ERC2: variants seen among roughly 807,000 people sequenced by gnomAD.
ERC2 encodes ELKS/RAB6-interacting/CAST family member 2, also known as ERC protein 2.
ERC2 carries 42 observed loss-of-function variants against 114.8 expected under a neutral mutation model. That is an observed-to-expected ratio of 0.37 (90% CI 0.29 to 0.47). ERC2 has a LOEUF of 0.47. Among genes scored for constraint, ERC2 ranks in the 20% least tolerant of loss-of-function variants. ERC2 has a pLI of 0.99. For missense variants in ERC2, 939 were observed against 1,150.7 expected, an observed-to-expected ratio of 0.82 and a Z score of 2.66; for synonymous variants, 454 against 425.5, an observed-to-expected ratio of 1.07 and a Z score of -0.82.
chr3:55,870,173 C>T (rs2062516222), intron 14 of ERC2, among the ~76,000 whole-genome samples: 1 of 151,978 alleles, frequency 6.6e-6, no homozygotes, highest in Admixed American at 6.5e-5. Context: ...CTCCTGGGTT[C>T]AAGCAATTCT....
intron 14 of ERC2, among the ~76,000 whole-genome samples, chr3:55,779,327 C>CAAAAAAAAAAAA (rs60185894): frequency 3.5e-4 from 22 of 62,326 alleles, no homozygotes; most frequent in South Asian, 5.9e-4. Flanking sequence ...ACTAAAAATA[C>CAAAAAAAAAAAA]AAAAAAAAAA....
intron 14 of ERC2, among the ~76,000 whole-genome samples, chr3:55,740,981 G>GA (rs1417981696): frequency 6.6e-6 from 1 of 151,922 alleles, no homozygotes; most frequent in Non-Finnish European, 1.5e-5. Flanking sequence ...TCCAAAATCT[G>GA]AAAAAAATAT....
At chr3:56,075,189 T>C (rs1365945259) in intron 7 of ERC2, among the ~76,000 whole-genome samples, 1 of 151,528 alleles carries the variant, frequency 6.6e-6, no homozygotes, top group Non-Finnish European at 1.5e-5. Context: ...AAGCTTGGAG[T>C]CACATATCCC....
At chr3:56,042,231 T>C (rs1443680199) in intron 7 of ERC2, among the ~76,000 whole-genome samples, 1 of 152,228 alleles carries the variant, frequency 6.6e-6, no homozygotes, top group Non-Finnish European at 1.5e-5. Flanking sequence ...AAACCTGATC[T>C]TCCATTTCAG....
chr3:55,536,413 G>C (rs988944135), intron 17 of ERC2, among the ~76,000 whole-genome samples: 4 of 152,166 alleles, frequency 2.6e-5, no homozygotes, highest in African/African-American at 9.7e-5. Flanking sequence ...TGGGCTGTGA[G>C]CTCCATGGAG....
chr3:55,758,253 G>T (rs2067186950), intron 14 of ERC2, among the ~76,000 whole-genome samples: 1 of 152,132 alleles, frequency 6.6e-6, no homozygotes, highest in African/African-American at 2.4e-5. Context: ...ATTTCCAAAG[G>T]ATGGAGGGAC....
chr3:55,545,997 T>C (rs1309795648), intron 17 of ERC2, among the ~76,000 whole-genome samples: 2 of 152,114 alleles, frequency 1.3e-5, no homozygotes, highest in Non-Finnish European at 2.9e-5. Flanking sequence ...GAGAAGAGAA[T>C]ACATGGACGG....
rs560152552 is a variant in ERC2 at position 56,391,004 on chromosome 3, CCTG to C, written c.657+43344_657+43346del. On this transcript the variant is annotated intron_variant, in intron 2 of 17. Transcript: ENST00000288221. Reference sequence around the variant, plus strand: ...TGACTCATACCATGTCAGACTGATCCCTGAGCTTTAGTTTCTTCGTCAGTTTAA... The same window carrying C: ...TGACTCATACCATGTCAGACTGATCCAGCTTTAGTTTCTTCGTCAGTTTAA... 6.4e-4 allele frequency among the ~76,000 whole-genome samples: 97 copies of C among 152,266 alleles called. 2 individuals are homozygous for C. In the South Asian group the frequency reaches 0.019, roughly 29 times the overall value.
chr3:56,015,091 GT>G (rs939878419), intron 8 of ERC2, among the ~76,000 whole-genome samples: 10 of 152,002 alleles, frequency 6.6e-5, no homozygotes, highest in African/African-American at 2.4e-4. Context: ...CTCCTCCATG[GT>G]TTTTTTAGCA....
intron 2 of ERC2, among the ~76,000 whole-genome samples, chr3:56,309,588 T>C (rs1469880787): frequency 6.6e-6 from 1 of 152,210 alleles, no homozygotes; most frequent in Non-Finnish European, 1.5e-5. Flanking sequence ...TTTTGAATCC[T>C]GGATCTACCC....
intron 17 of ERC2, among the ~76,000 whole-genome samples, chr3:55,547,023 A>C (rs1396120052): frequency 2.0e-5 from 3 of 152,260 alleles, no homozygotes; most frequent in East Asian, 1.9e-4. Context: ...ACAACTTCTC[A>C]ACATCTCTGA....
chr3:55,972,046 C>T (rs1216788080), intron 12 of ERC2, among the ~76,000 whole-genome samples: 1 of 152,164 alleles, frequency 6.6e-6, no homozygotes, highest in Non-Finnish European at 1.5e-5. Flanking sequence ...ATTTGGCTTC[C>T]CTGATGCCAA....
intron 2 of ERC2, among the ~76,000 whole-genome samples, chr3:56,420,634 C>T (rs1410263451): frequency 6.6e-6 from 1 of 151,670 alleles, no homozygotes; most frequent in Non-Finnish European, 1.5e-5. Context: ...TCCTGTAATC[C>T]CAGCACTTTG....
At chr3:56,165,558 C>A (rs913500068) in intron 4 of ERC2, among the ~76,000 whole-genome samples, 1 of 149,556 alleles carries the variant, frequency 6.7e-6, no homozygotes, top group South Asian at 2.1e-4. Flanking sequence ...TTTATCCACC[C>A]TACTGCTGAC....
chr3:56,123,567 G>A (rs1272533658), intron 6 of ERC2, among the ~76,000 whole-genome samples: 1 of 152,120 alleles, frequency 6.6e-6, no homozygotes, highest in Non-Finnish European at 1.5e-5. Flanking sequence ...TCATTCTCTT[G>A]TCTCCATTTC....
intron 17 of ERC2, among the ~76,000 whole-genome samples, chr3:55,596,938 A>G (rs1281471566): frequency 6.6e-6 from 1 of 152,226 alleles, no homozygotes; most frequent in Non-Finnish European, 1.5e-5. Context: ...GAGATTTAGA[A>G]GATTTATTAG....
At chr3:56,016,427 C>CTTTTTTTTTTTTTTTTT (rs11430130) in intron 8 of ERC2, among the ~76,000 whole-genome samples, 1 of 141,242 alleles carries the variant, frequency 7.1e-6, no homozygotes, top group Non-Finnish European at 1.5e-5. Flanking sequence ...CTTTTTTTTT[C>CTTTTTTTTTTTTTTTTT]TTTTTTTTTT....
chr3:55,624,791 T>C (rs1337466912), intron 17 of ERC2, among the ~76,000 whole-genome samples: 5 of 152,072 alleles, frequency 3.3e-5, no homozygotes, highest in Non-Finnish European at 7.4e-5. Flanking sequence ...GTGGTGTCGG[T>C]ATGATAAAGA....
At chr3:56,106,642 C>T (rs1368324995) in intron 6 of ERC2, among the ~76,000 whole-genome samples, 1 of 152,032 alleles carries the variant, frequency 6.6e-6, no homozygotes, top group African/African-American at 2.4e-5. Flanking sequence ...AAATGGAGAG[C>T]AAGGCAGAGA....
Sources: allele counts gnomAD v4.1 joint callset (sites outside exome capture counted in the v4.1 genomes callset), GRCh38; gene constraint gnomAD v4.1.1; transcripts MANE v1.5; gene names NCBI Gene and HGNC (gene_info 2026-07-23, HGNC 2026-07-21).